TMEM135: variants seen among roughly 807,000 people sequenced by gnomAD.
TMEM135 encodes the protein transmembrane protein 135, also known as peroxisomal membrane protein 52.
Under a neutral mutation model 60.3 loss-of-function variants are expected in TMEM135, and 30 were observed. The ratio of observed to expected loss-of-function variants is 0.50; its 90% CI spans 0.37 to 0.68. The LOEUF (loss-of-function observed/expected upper bound fraction) is 0.68. Among genes scored for constraint, TMEM135 ranks in the 30% least tolerant of loss-of-function variants. The pLI, the probability that TMEM135 is intolerant of heterozygous loss-of-function variation, is 0.00. For synonymous variants in TMEM135, 190 were observed against 186.7 expected (o/e 1.02, Z -0.14); for missense variants, 468 against 548.8 (o/e 0.85, Z 1.47).
chr11:87,147,935 T>G (rs961831567), intron 4 of TMEM135, among the ~76,000 whole-genome samples: 2 of 152,168 alleles, frequency 1.3e-5, no homozygotes, highest in African/African-American at 4.8e-5. Context: ...TTTTCATATT[T>G]TTAGTAGACA....
chr11:87,061,013 G>C (rs1233421433), intron 1 of TMEM135, among the ~76,000 whole-genome samples: 3 of 152,056 alleles, frequency 2.0e-5, no homozygotes, highest in African/African-American at 7.2e-5. Flanking sequence ...ATAAAATGAG[G>C]AGATTGAAAT....
intron 5 of TMEM135, among the ~76,000 whole-genome samples, chr11:87,171,565 T>C (rs1039204698): frequency 5.9e-5 from 9 of 152,198 alleles, no homozygotes; most frequent in African/African-American, 2.2e-4. Context: ...CTCGTCTGCA[T>C]GTCAGTAGAC....
chr11:87,321,723 C>T lies in TMEM135; in HGVS notation c.*390C>T, dbSNP rs1208856644. 6.6e-6 allele frequency: 3 copies of T among 457,738 alleles called. No individual in the cohort carries two copies. The highest frequency in any genetic ancestry group is 8.7e-6 in the Non-Finnish European group (2 of 229,248). The allele number at this position is 457,738 out of a possible 1,614,324, so 28.4% of individuals were successfully genotyped here. On this transcript the variant is annotated 3_prime_UTR_variant, in exon 15 of 15. Transcript: ENST00000305494. Reference sequence around the variant, plus strand: ...TTGATTAAAATTAGGATTATTTCTACATTTTAGGATTTACAAAGGATCACG... The same window carrying T: ...TTGATTAAAATTAGGATTATTTCTATATTTTAGGATTTACAAAGGATCACG...
At chr11:87,215,301 A>AC (rs1940472053) in intron 5 of TMEM135, among the ~76,000 whole-genome samples, 1 of 152,208 alleles carries the variant, frequency 6.6e-6, no homozygotes, top group Non-Finnish European at 1.5e-5. Flanking sequence ...ATAATGAACT[A>AC]CCCCAAAACT....
At chr11:87,320,279 TA>T (rs1942799153) in intron 14 of TMEM135, among the ~76,000 whole-genome samples, 2 of 152,178 alleles carry the variant, frequency 1.3e-5, no homozygotes, top group Non-Finnish European at 2.9e-5. Flanking sequence ...GTCACTCAGT[TA>T]GTAAATGAAG....
At chr11:87,093,643 G>C (rs1857259249) in intron 4 of TMEM135, among the ~76,000 whole-genome samples, 1 of 152,072 alleles carries the variant, frequency 6.6e-6, no homozygotes, top group African/African-American at 2.4e-5. Context: ...TGATTCTCCT[G>C]CCTTAGCCTC....
chr11:87,126,072 T>A (rs570963029), intron 4 of TMEM135, among the ~76,000 whole-genome samples: 1 of 152,194 alleles, frequency 6.6e-6, no homozygotes, highest in African/African-American at 2.4e-5. Context: ...TGGGATCTGC[T>A]TTATGGCCAG....
At chr11:87,188,468 G>T (rs554856251) in intron 5 of TMEM135, among the ~76,000 whole-genome samples, 43 of 152,128 alleles carry the variant, frequency 2.8e-4, no homozygotes, top group African/African-American at 1.0e-3. Flanking sequence ...TTGGGAGACT[G>T]AGGTGGGTGG....
At chr11:87,246,192 T>C (rs1282950723) in intron 6 of TMEM135, among the ~76,000 whole-genome samples, 1 of 145,270 alleles carries the variant, frequency 6.9e-6, no homozygotes, top group Non-Finnish European at 1.5e-5. Flanking sequence ...CACTGTCTTC[T>C]GGCTTGTAGA....
intron 5 of TMEM135, among the ~76,000 whole-genome samples, chr11:87,191,992 T>C (rs796080573): frequency 1.5e-3 from 201 of 130,366 alleles, no homozygotes; most frequent in Middle Eastern, 7.6e-3. Flanking sequence ...CTTTTCTTTT[T>C]TTTTTTTTTT....
chr11:87,201,815 G>C (rs1051276921), intron 5 of TMEM135, among the ~76,000 whole-genome samples: 7 of 152,044 alleles, frequency 4.6e-5, no homozygotes, highest in African/African-American at 1.7e-4. Flanking sequence ...TCTGCACTAA[G>C]CCATCCAGGA....
intron 3 of TMEM135, among the ~76,000 whole-genome samples, chr11:87,073,293 A>G (rs542909364): frequency 8.8e-4 from 134 of 152,300 alleles, no homozygotes; most frequent in Non-Finnish European, 1.5e-3. Flanking sequence ...TCGGCCTCCC[A>G]AAGTGCTGGG....
At chr11:87,172,618 C>A (rs1051004903) in intron 5 of TMEM135, among the ~76,000 whole-genome samples, 2 of 151,870 alleles carry the variant, frequency 1.3e-5, no homozygotes, top group Admixed American at 6.6e-5. Context: ...TAAAGTTTAA[C>A]ACCTGGCTGG....
rs1290104500 is a variant in TMEM135 at position 87,319,105 on chromosome 11, G to A, written c.1177-205G>A. 9.2e-6 allele frequency: 5 copies of A among 541,242 alleles called. No individual in the cohort carries two copies. The East Asian group carries it at 1.6e-4, about 18-fold the overall frequency. 33.5% of individuals were successfully genotyped at this position (541,242 alleles called of 1,614,324 possible). On this transcript the variant is annotated intron_variant, in intron 13 of 14. Transcript: ENST00000305494. ...GCTGGTCTCGAGCTCCTGATCTCAG[G>A]TAATCTGCCCGCCTCGGCCTCCCCA...
At chr11:87,237,786 C>T (rs1941034383) in intron 6 of TMEM135, among the ~76,000 whole-genome samples, 2 of 151,766 alleles carry the variant, frequency 1.3e-5, no homozygotes, top group South Asian at 2.1e-4. Context: ...TTCCTGTACC[C>T]GTTAATCACC....
chr11:87,115,030 G>T (rs1857844092), intron 4 of TMEM135, among the ~76,000 whole-genome samples: 1 of 152,066 alleles, frequency 6.6e-6, no homozygotes, highest in African/African-American at 2.4e-5. Flanking sequence ...TATATACAAA[G>T]ACTTTTGGAG....
At chr11:87,117,433 T>C (rs59876223) in intron 4 of TMEM135, among the ~76,000 whole-genome samples, 15,684 of 152,252 alleles carry the variant, frequency 0.1, 830 homozygotes, top group African/African-American at 0.12. Context: ...GTCAATTCTC[T>C]CAAGCACTGC....
intron 6 of TMEM135, among the ~76,000 whole-genome samples, chr11:87,256,082 G>C (rs946725873): frequency 1.3e-5 from 2 of 152,134 alleles, no homozygotes; most frequent in Non-Finnish European, 2.9e-5. Context: ...ATTACTCCCT[G>C]TCTCCATGTT....
intron 3 of TMEM135, among the ~76,000 whole-genome samples, chr11:87,085,479 A>T (rs1857077493): frequency 6.6e-6 from 1 of 152,220 alleles, no homozygotes; most frequent in Non-Finnish European, 1.5e-5. Context: ...ATTTAGGGCC[A>T]GGTGCGGTGG....
Sources: gnomAD v4.1 joint callset for allele counts (sites outside exome capture counted in the v4.1 genomes callset) on GRCh38, gnomAD v4.1.1 for gene constraint, MANE v1.5 for transcripts, NCBI Gene and HGNC (gene_info 2026-07-23, HGNC 2026-07-21) for gene names.